The following SLC38A1 variants were observed in gnomAD, a reference collection of about 807,000 sequenced individuals.
The protein encoded by SLC38A1 is solute carrier family 38 member 1, also known as sodium-coupled neutral amino acid symporter 1.
SLC38A1 carries 18 observed loss-of-function variants against 60.3 expected under a neutral mutation model. The ratio of observed to expected loss-of-function variants is 0.30; its 90% CI spans 0.21 to 0.44. The LOEUF (loss-of-function observed/expected upper bound fraction) is 0.44. Among genes scored for constraint, SLC38A1 ranks in the 20% least tolerant of loss-of-function variants. SLC38A1 has a pLI of 1.00. For missense variants in SLC38A1, 448 were observed against 587.2 expected (o/e 0.76, Z 2.45); for synonymous variants, 196 against 212.1 (o/e 0.92, Z 0.66).
At chr12:46,222,830 A>G (rs1389400950) in intron 5 of SLC38A1, among the ~76,000 whole-genome samples, 1 of 152,124 alleles carries the variant, frequency 6.6e-6, no homozygotes, top group East Asian at 1.9e-4. Context: ...TGGTTTCACA[A>G]TATACTTTAA....
intron 1 of SLC38A1, among the ~76,000 whole-genome samples, chr12:46,262,128 G>T (rs1252388735): frequency 6.6e-6 from 1 of 152,182 alleles, no homozygotes; most frequent in Non-Finnish European, 1.5e-5. Flanking sequence ...AAATTGCCCA[G>T]TGCATCCTAT....
intron 16 of SLC38A1, among the ~76,000 whole-genome samples, chr12:46,191,340 T>G (rs550079561): frequency 6.6e-6 from 1 of 152,318 alleles, no homozygotes; most frequent in East Asian, 1.9e-4. Flanking sequence ...ACTGTAGCCT[T>G]GTAGTACAGT....
chr12:46,238,024 T>C (rs561766336), intron 3 of SLC38A1, among the ~76,000 whole-genome samples: 1 of 151,912 alleles, frequency 6.6e-6, no homozygotes, highest in South Asian at 2.1e-4. Context: ...GACAGACCTG[T>C]GTGTACCCTT....
In SLC38A1 at chr12:46,268,962, C is replaced by A; in HGVS notation, c.-645G>T. On this transcript the variant is annotated 5_prime_UTR_variant, in exon 1 of 17. Transcript: ENST00000398637. This position sits in a 1 kb window ranked among gnomAD's most constrained non-coding sequence, Gnocchi z 4.4. ...AACCATGGCTTGTGATGGTTTAACG[C>A]GGACAGGCCATTCCTCCCCGTCCCG... The A allele has an allele frequency of 2.3e-6, 1 of 440,958 alleles. No individual in the cohort carries two copies. Among genetic ancestry groups the A allele is most frequent in the Non-Finnish European group, 4.6e-6 (1 of 217,186 alleles). The allele number at this position is 440,958 out of a possible 1,614,324, so 27.3% of individuals were successfully genotyped here.
At chr12:46,254,658 A>C (rs2138796486) in intron 1 of SLC38A1, among the ~76,000 whole-genome samples, 1 of 152,336 alleles carries the variant, frequency 6.6e-6, no homozygotes, top group African/African-American at 2.4e-5. Flanking sequence ...GCTTGGCTTT[A>C]CAAGTCAGGT....
At chr12:46,231,507 C>T (rs753389357) in intron 3 of SLC38A1, among the ~76,000 whole-genome samples, 3 of 152,156 alleles carry the variant, frequency 2.0e-5, no homozygotes, top group Non-Finnish European at 4.4e-5. Flanking sequence ...GTTAAGGATG[C>T]TTTTTGGCTC....
At chr12:46,203,350 C>T (rs1335784998) in intron 11 of SLC38A1, among the ~76,000 whole-genome samples, 2 of 152,112 alleles carry the variant, frequency 1.3e-5, no homozygotes, top group African/African-American at 4.8e-5. Flanking sequence ...AGGTATACAA[C>T]ACCCCCTGTT....
chr12:46,236,543 T>G (rs1017834184), intron 3 of SLC38A1, among the ~76,000 whole-genome samples: 2 of 152,206 alleles, frequency 1.3e-5, no homozygotes, highest in Non-Finnish European at 2.9e-5. Flanking sequence ...TGGGATTCAA[T>G]GCAAGTCTAA....
chr12:46,246,200 G>T (rs977801544), intron 1 of SLC38A1, among the ~76,000 whole-genome samples: 2 of 152,192 alleles, frequency 1.3e-5, no homozygotes, highest in Non-Finnish European at 2.9e-5. Flanking sequence ...AGCAGGGCGG[G>T]GTGTTGCCTC....
rs1350408627 is a variant in SLC38A1 at position 46,188,158 on chromosome 12, C to T, written c.*812G>A. 2.0e-5 allele frequency: 3 copies of T among 152,158 alleles called. No homozygotes were observed. The highest frequency in any genetic ancestry group is 4.4e-5 in the Non-Finnish European group (3 of 68,034). 9.4% of individuals were successfully genotyped at this position (152,158 alleles called of 1,614,324 possible). ...TTGCAGTAGGTTCCATAGGTTTTCC[C>T]CAGCGAAAGTTGACTCAGACCAGAG... On this transcript the variant is annotated 3_prime_UTR_variant, in exon 17 of 17. Coordinates refer to ENST00000398637, the MANE Select transcript of SLC38A1 (RefSeq NM_030674.4).
At chr12:46,228,852 A>G (rs1940963671) in intron 5 of SLC38A1, among the ~76,000 whole-genome samples, 1 of 152,224 alleles carries the variant, frequency 6.6e-6, no homozygotes, top group African/African-American at 2.4e-5. Flanking sequence ...ACTGAGATTT[A>G]AAGTCACAGG....
At position 46,247,623 on chromosome 12, in the gene SLC38A1, T is replaced by A. The variant is rs536662827; in HGVS notation, c.-208-4309A>T. Among the ~76,000 whole-genome samples, 24 of 152,262 alleles carry A rather than the reference T, an allele frequency of 1.6e-4. No individual in the cohort carries two copies. In the South Asian group the frequency reaches 5.0e-3, roughly 32 times the overall value. On this transcript the variant is annotated intron_variant, in intron 1 of 16. Coordinates refer to ENST00000398637, the MANE Select transcript of SLC38A1 (RefSeq NM_030674.4). ...TAGAAAACACTCTTCAGGATATTGT[T>A]CAGGAGAACTTCCACAACCTAGCAT...
intron 16 of SLC38A1, among the ~76,000 whole-genome samples, chr12:46,194,495 G>A (rs544107898): frequency 6.6e-6 from 1 of 152,292 alleles, no homozygotes; most frequent in East Asian, 1.9e-4. Context: ...CTAGATTGGG[G>A]AAGTTCTCCT....
At chr12:46,250,068 C>T (rs1463093328) in intron 1 of SLC38A1, among the ~76,000 whole-genome samples, 1 of 152,166 alleles carries the variant, frequency 6.6e-6, no homozygotes. Context: ...CCCTGATGAA[C>T]ATTGATGTGA....
At chr12:46,208,301 A>G (rs1226406163) in intron 6 of SLC38A1, among the ~76,000 whole-genome samples, 1 of 152,244 alleles carries the variant, frequency 6.6e-6, no homozygotes, top group African/African-American at 2.4e-5. Flanking sequence ...CACTTTTTAA[A>G]AAGTGTTTAT....
At chr12:46,246,148 G>A (rs1308042390) in intron 1 of SLC38A1, among the ~76,000 whole-genome samples, 1 of 152,180 alleles carries the variant, frequency 6.6e-6, no homozygotes, top group Non-Finnish European at 1.5e-5. Flanking sequence ...ATCTCATTGG[G>A]ACTGGTTGGA....
rs141000297 is a variant in SLC38A1 at position 46,201,370 on chromosome 12, A to G, written c.903-172T>C. On this transcript the variant is annotated intron_variant, in intron 12 of 16. Transcript: ENST00000398637. ...TTGAAAATAACCTCTCTTATACTGA[A>G]TTGGTATTGAGGGTGAGATCTGTGG... Among the ~76,000 whole-genome samples, 93 of 152,312 alleles carry G rather than the reference A, an allele frequency of 6.1e-4. No homozygotes were observed. In the East Asian group the frequency reaches 0.016, roughly 26 times the overall value.
At chr12:46,203,632 C>T (rs1168303696) in intron 11 of SLC38A1, among the ~76,000 whole-genome samples, 1 of 152,190 alleles carries the variant, frequency 6.6e-6, no homozygotes, top group Non-Finnish European at 1.5e-5. Context: ...GGAGAAAGAT[C>T]GCGATCTATT....
intron 7 of SLC38A1, 127 bp downstream of exon 7, chr12:46,207,402 G>T: frequency 9.2e-7 from 1 of 1,086,626 alleles, no homozygotes; most frequent in Non-Finnish European, 1.4e-6. Flanking sequence ...TGCTGTCTCT[G>T]CTTTACTTTC....
Sources: gnomAD v4.1 joint callset for allele counts (sites outside exome capture counted in the v4.1 genomes callset) on GRCh38, gnomAD v4.1.1 for gene constraint, Gnocchi (gnomAD v3.1) non-coding constraint, MANE v1.5 for transcripts, NCBI Gene and HGNC (gene_info 2026-07-23, HGNC 2026-07-21) for gene names.